The following SHROOM2 variants were observed in gnomAD, a reference collection of about 807,000 sequenced individuals.
SHROOM2 encodes the protein shroom family member 2.
A neutral mutation model predicts 75.9 loss-of-function variants in SHROOM2; 33 were observed. The observed-to-expected ratio is 0.43, with a 90% CI of 0.33 to 0.58. SHROOM2 has a LOEUF of 0.58. SHROOM2 is among the 20% of genes least tolerant of loss of function. The pLI is 0.04. For missense variants in SHROOM2, 1,434 were observed against 1,461.2 expected (o/e 0.98, Z 0.30); for synonymous variants, 655 against 663.6 (o/e 0.99, Z 0.20).
intron 5 of SHROOM2, among the ~76,000 whole-genome samples, chrX:9,921,147 A>G (rs1405820211): frequency 9.0e-6 from 1 of 111,211 alleles, no homozygotes; most frequent in Non-Finnish European, 1.9e-5. Flanking sequence ...GGATCTCCGT[A>G]TAGGGCTGCT....
chrX:9,928,465 C>T (rs558592571), intron 5 of SHROOM2, among the ~76,000 whole-genome samples: 1 of 112,806 alleles, frequency 8.9e-6, no homozygotes, highest in South Asian at 3.6e-4. Flanking sequence ...CTTACTCTAT[C>T]TCTGGATCTT....
intron 5 of SHROOM2, among the ~76,000 whole-genome samples, chrX:9,900,248 T>C (rs767578128): frequency 4.5e-5 from 5 of 111,104 alleles, no homozygotes; most frequent in African/African-American, 6.5e-5. Flanking sequence ...CGAGAATATG[T>C]AGGTTGAAAA....
intron 5 of SHROOM2, among the ~76,000 whole-genome samples, chrX:9,919,137 CAG>C (rs1331131048): frequency 9.0e-6 from 1 of 110,798 alleles, no homozygotes; most frequent in East Asian, 2.8e-4. Flanking sequence ...ACCTGGAATA[CAG>C]AGGTAGATGA....
chrX:9,878,828 G>A (rs904428357), intron 2 of SHROOM2, among the ~76,000 whole-genome samples: 14 of 109,064 alleles, frequency 1.3e-4, no homozygotes, highest in Non-Finnish European at 2.1e-4. Context: ...GGACACTGGA[G>A]GACGTCAGGT....
At chrX:9,921,401 A>G (rs2084543559) in intron 5 of SHROOM2, among the ~76,000 whole-genome samples, 1 of 111,925 alleles carries the variant, frequency 8.9e-6, no homozygotes, top group Admixed American at 9.5e-5. Flanking sequence ...CATCACCACA[A>G]TCAGTGCCTT....
chrX:9,844,442 G>T (rs2083995097), intron 1 of SHROOM2, among the ~76,000 whole-genome samples: 1 of 110,530 alleles, frequency 9.0e-6, no homozygotes, highest in Admixed American at 9.8e-5. Context: ...AGCTTGGGAG[G>T]TCGGGGCTGC....
chrX:9,879,811 C>A (rs73474563), intron 2 of SHROOM2, among the ~76,000 whole-genome samples: 1 of 111,427 alleles, frequency 9.0e-6, no homozygotes, highest in Non-Finnish European at 1.9e-5. Flanking sequence ...GCAGTGGGAT[C>A]CACACTGTAC....
rs772046073 is a variant in SHROOM2 at position 9,928,597 on chromosome X, A to G, written c.2892-3578A>G. ...ACGTACCTACACATGCACACAACATATACAACCCGGGCACACACTCACAAC... is the reference window on the plus strand; with the variant it reads ...ACGTACCTACACATGCACACAACATGTACAACCCGGGCACACACTCACAAC... On this transcript the variant is annotated intron_variant, in intron 5 of 9. Coordinates refer to ENST00000380913, the MANE Select transcript of SHROOM2 (RefSeq NM_001649.4). Among the ~76,000 whole-genome samples, 3 of 111,896 alleles carry G rather than the reference A, an allele frequency of 2.7e-5. No individual in the cohort carries two copies. The East Asian group carries it at 8.4e-4, about 31-fold the overall frequency.
Position 9,944,927 on chromosome X carries a change from C to A in SHROOM2, c.4584+14C>A, listed in dbSNP as rs375719444. 8.5e-7 allele frequency: 1 copy of A among 1,179,500 alleles called. No homozygotes were observed. The highest frequency in any genetic ancestry group is 1.1e-6 in the Non-Finnish European group (1 of 876,908). On this transcript the variant is annotated intron_variant, in intron 9 of 9. Transcript: ENST00000380913. ...CCCGGTGATCGGGTAAATGCAGATA[C>A]GTCTGACTTGGAAATGGGGGGTGGT...
intron 5 of SHROOM2, among the ~76,000 whole-genome samples, chrX:9,911,555 T>C (rs2405951): frequency 0.51 from 56,161 of 109,766 alleles, 12,932 homozygotes; most frequent in African/African-American, 0.88. Context: ...TGAGGCGCAG[T>C]GGCTGGCGAC....
intron 5 of SHROOM2, among the ~76,000 whole-genome samples, chrX:9,903,374 C>T (rs187100237): frequency 1.8e-5 from 2 of 112,262 alleles, no homozygotes; most frequent in Admixed American, 9.4e-5. Flanking sequence ...TTTGTCAGGG[C>T]AGAGCCCAGC....
At chrX:9,866,489 C>G (rs942288248) in intron 1 of SHROOM2, among the ~76,000 whole-genome samples, 18 of 110,536 alleles carry the variant, frequency 1.6e-4, no homozygotes, top group Admixed American at 1.5e-3. Context: ...CCAAATCCCT[C>G]AAGCTGAAAA....
intron 1 of SHROOM2, among the ~76,000 whole-genome samples, chrX:9,843,024 G>A (rs1215140218): frequency 8.9e-6 from 1 of 112,010 alleles, no homozygotes; most frequent in African/African-American, 3.2e-5. Flanking sequence ...CCGGCTCAGG[G>A]GAGGGTGCTG....
At chrX:9,899,261 CAA>C (rs139411655) in intron 5 of SHROOM2, among the ~76,000 whole-genome samples, 28 of 97,264 alleles carry the variant, frequency 2.9e-4, no homozygotes, top group Non-Finnish European at 2.7e-4. Flanking sequence ...GACCCTGTCT[CAA>C]AAAAAAAAAA....
At position 9,944,714 on chromosome X, in the gene SHROOM2, T is replaced by C. The variant is rs937539790; in HGVS notation, c.4385T>C (p.Val1462Ala). 3 of 1,210,095 alleles carry C rather than the reference T, an allele frequency of 2.5e-6. No homozygotes were observed. The African/African-American group carries it at 5.2e-5, about 21-fold the overall frequency. ...GCCCGCGAGAGCCTGCTGGAGGACG[T>C]GCAGGCCAACACCGTGCTGGGGGCC... ...REARESLLED[V>A]QANTVLGAEV... The change falls in exon 9 of 10, where the codon GTG becomes GCG. Residue 1462 changes from valine (V) to alanine (A), a missense_variant. Val to Ala is a moderately conservative substitution (Grantham distance 64). Transcript: ENST00000380913.
chrX:9,813,915 G>A (rs1216813310), intron 1 of SHROOM2, among the ~76,000 whole-genome samples: 3 of 111,761 alleles, frequency 2.7e-5, no homozygotes, highest in Non-Finnish European at 5.6e-5. Context: ...CTGCCACCTC[G>A]GGATCCAATT....
chrX:9,924,468 G>A (rs12394939), intron 5 of SHROOM2, among the ~76,000 whole-genome samples: 6,559 of 109,697 alleles, frequency 0.06, 507 homozygotes, highest in African/African-American at 0.21. Flanking sequence ...CAATCCTCCC[G>A]CTTCAGCCTC....
Position 9,786,463 on chromosome X carries a change from C to T in SHROOM2, c.-83C>T. The T allele has an allele frequency of 1.4e-6, 1 of 733,661 alleles. No individual in the cohort carries two copies. The highest frequency in any genetic ancestry group is 1.7e-6 in the Non-Finnish European group (1 of 596,037). 60.5% of individuals were successfully genotyped at this position (733,661 alleles called of 1,213,427 possible). On this transcript the variant is annotated 5_prime_UTR_variant, in exon 1 of 10. Coordinates refer to ENST00000380913, the MANE Select transcript of SHROOM2 (RefSeq NM_001649.4). The stretch of plus-strand genomic sequence containing the variant: ...CCAAGTTACGGCGCAAGTTCTGCGG[C>T]GCTCGGAGCCTCCCTTGCGATCCCA...
intron 2 of SHROOM2, among the ~76,000 whole-genome samples, chrX:9,885,184 G>A (rs1851400706): frequency 8.9e-6 from 1 of 112,269 alleles, no homozygotes; most frequent in South Asian, 3.8e-4. Context: ...AAACATGTCT[G>A]TCCTGCACAT....
Sources: gnomAD v4.1 joint callset for allele counts (sites outside exome capture counted in the v4.1 genomes callset) on GRCh38, gnomAD v4.1.1 for gene constraint, MANE v1.5 for transcripts, NCBI Gene and HGNC (gene_info 2026-07-23, HGNC 2026-07-21) for gene names.